PLPP1: variants seen among roughly 807,000 people sequenced by gnomAD.
PLPP1 encodes lipid phosphate phosphohydrolase 1a.
Under a neutral mutation model 31.2 loss-of-function variants are expected in PLPP1, and 24 were observed. The ratio of observed to expected loss-of-function variants is 0.77; its 90% confidence interval spans 0.56 to 1.08. The LOEUF is 1.08. Among genes scored for constraint, PLPP1 ranks in the 50% least tolerant of loss-of-function variants. The probability of loss-of-function intolerance (pLI) is 0.00; values close to 1 mark genes in which losing one functional copy is unlikely to be tolerated. For synonymous variants in PLPP1, 146 were observed against 126.3 expected, an observed-to-expected ratio of 1.16 and a Z score of -1.05; for missense variants, 319 against 342.7, an observed-to-expected ratio of 0.93 and a Z score of 0.55.
intron 3 of PLPP1, among the ~76,000 whole-genome samples, chr5:55,453,217 GAC>G (rs917287236): frequency 1.3e-5 from 2 of 152,128 alleles, no homozygotes; most frequent in East Asian, 1.9e-4. Flanking sequence ...CTTATGTTTT[GAC>G]AGTTATAAAA....
At chr5:55,481,993 T>C (rs1252627789) in intron 1 of PLPP1, among the ~76,000 whole-genome samples, 6 of 148,644 alleles carry the variant, frequency 4.0e-5, no homozygotes, top group Non-Finnish European at 8.9e-5. Context: ...AATACATATA[T>C]ATATTTTTAT....
intron 1 of PLPP1, among the ~76,000 whole-genome samples, chr5:55,482,916 T>C (rs1034742981): frequency 6.6e-6 from 1 of 152,104 alleles, no homozygotes; most frequent in African/African-American, 2.4e-5. Flanking sequence ...GCAGCTTCTC[T>C]AAAAAAATAT....
intron 3 of PLPP1, among the ~76,000 whole-genome samples, chr5:55,442,344 T>TC (rs939455543): frequency 5.3e-5 from 8 of 152,210 alleles, no homozygotes; most frequent in Admixed American, 4.6e-4. Context: ...ATTGCTTTTT[T>TC]CCATCCATAT....
Position 55,426,024 on chromosome 5 carries a change from T to G in PLPP1, c.565A>C (p.Arg189=). The G allele has an allele frequency of 6.3e-7, 1 of 1,591,206 alleles. No individual in the cohort carries two copies. The highest frequency in any genetic ancestry group is 1.2e-5 in the South Asian group (1 of 85,960). ...MLFVALYLQA[R]MKGDWARLLR... ...AGTCTTGCCCAGTCTCCCTTCATCC[T>G]GGCTTGAAGATAAAGCTAAAAGAAA... The change falls in exon 5 of 6, where the codon AGG becomes CGG. Residue 189 remains arginine, a synonymous_variant. Transcript: ENST00000307259.
At chr5:55,425,825 G>C (rs774738368) in intron 5 of PLPP1, 38 bp downstream of exon 5, 39 of 1,462,968 alleles carry the variant, frequency 2.7e-5, no homozygotes, top group South Asian at 1.5e-4. Context: ...TAAATGTTTA[G>C]CAATATCAAG....
intron 4 of PLPP1, among the ~76,000 whole-genome samples, chr5:55,431,172 C>A (rs1388077664): frequency 1.3e-5 from 2 of 152,160 alleles, no homozygotes; most frequent in African/African-American, 4.8e-5. Context: ...CTTCCCAAGT[C>A]TAGCAAGAGA....
rs934169203 is a variant in PLPP1 at position 55,530,203 on chromosome 5, T to C, written c.58+4369A>G. ...TCTTCAACAGCAGTTTGACATTGAG[T>C]TTCTTCATCTAGCTGAAGATTCACA... On this transcript the variant is annotated intron_variant, in intron 1 of 5. Transcript: ENST00000307259. 3.0e-6 allele frequency: 4 copies of C among 1,349,778 alleles called. No homozygotes were observed. The African/African-American group carries it at 4.3e-5, about 15-fold the overall frequency. The allele number at this position is 1,349,778 out of a possible 1,614,324, so 83.6% of individuals were successfully genotyped here. A position where few individuals can be genotyped will look rare whatever the true frequency, so the allele number is the denominator to read the frequency against.
At chr5:55,442,664 A>T (rs1057008568) in intron 3 of PLPP1, among the ~76,000 whole-genome samples, 1 of 150,664 alleles carries the variant, frequency 6.6e-6, no homozygotes, top group Non-Finnish European at 1.5e-5. Flanking sequence ...AAAAAAAAAA[A>T]TTTGGTGTTT....
chr5:55,457,643 C>G (rs1752046590), intron 3 of PLPP1, among the ~76,000 whole-genome samples: 2 of 152,172 alleles, frequency 1.3e-5, no homozygotes, highest in Admixed American at 1.3e-4. Context: ...GTAATCCCAG[C>G]ACTCTGGGAG....
intron 3 of PLPP1, among the ~76,000 whole-genome samples, chr5:55,458,621 C>T (rs1752073511): frequency 6.6e-6 from 1 of 152,070 alleles, no homozygotes; most frequent in African/African-American, 2.4e-5. Flanking sequence ...GGCGTGGTGG[C>T]TCACGCCTGT....
chr5:55,469,313 C>A (rs1313374960), intron 2 of PLPP1, among the ~76,000 whole-genome samples: 1 of 151,822 alleles, frequency 6.6e-6, no homozygotes, highest in South Asian at 2.1e-4. Context: ...TATGGTGAAA[C>A]CCCATCTCTA....
intron 3 of PLPP1, among the ~76,000 whole-genome samples, chr5:55,444,775 G>GA (rs1751717358): frequency 6.6e-6 from 1 of 151,646 alleles, no homozygotes; most frequent in Admixed American, 6.6e-5. Flanking sequence ...GTGTGTGATG[G>GA]AGTCTCGCTC....
At chr5:55,441,706 T>TC in intron 4 of PLPP1, 145 bp downstream of exon 4, 1 of 893,544 alleles carries the variant, frequency 1.1e-6, no homozygotes, top group Non-Finnish European at 1.8e-6. Flanking sequence ...CAACTACTTC[T>TC]CAGTATGAAA....
chr5:55,502,672 G>A (rs1753173425), intron 1 of PLPP1, among the ~76,000 whole-genome samples: 2 of 152,208 alleles, frequency 1.3e-5, no homozygotes, highest in Admixed American at 6.5e-5. Context: ...GCTGGATAAT[G>A]CAGATCTAGG....
chr5:55,439,575 C>T (rs971507272), intron 4 of PLPP1, among the ~76,000 whole-genome samples: 5 of 152,206 alleles, frequency 3.3e-5, no homozygotes, highest in African/African-American at 1.2e-4. Flanking sequence ...CCAATTACCA[C>T]ACTATGGTTG....
chr5:55,511,494 TA>T (rs1435514040), intron 1 of PLPP1, among the ~76,000 whole-genome samples: 2 of 151,938 alleles, frequency 1.3e-5, no homozygotes, highest in African/African-American at 4.8e-5. Flanking sequence ...AGCATGGGTT[TA>T]AAAAAATGTG....
intron 3 of PLPP1, among the ~76,000 whole-genome samples, chr5:55,453,219 C>T (rs1751931396): frequency 6.6e-6 from 1 of 152,118 alleles, no homozygotes; most frequent in African/African-American, 2.4e-5. Context: ...TATGTTTTGA[C>T]AGTTATAAAA....
intron 3 of PLPP1, among the ~76,000 whole-genome samples, chr5:55,445,423 C>T (rs1751738795): frequency 6.6e-6 from 1 of 152,078 alleles, no homozygotes; most frequent in African/African-American, 2.4e-5. Context: ...CTGATCTCTT[C>T]CCACCACCTG....
intron 3 of PLPP1, among the ~76,000 whole-genome samples, chr5:55,451,507 T>C (rs1423017508): frequency 1.3e-5 from 2 of 151,958 alleles, no homozygotes; most frequent in Non-Finnish European, 2.9e-5. Context: ...CTACAGCTCA[T>C]GTTACCAGGA....
Sources: gnomAD v4.1 joint callset for allele counts (sites outside exome capture counted in the v4.1 genomes callset) on GRCh38, gnomAD v4.1.1 for gene constraint, MANE v1.5 for transcripts, NCBI Gene and HGNC (gene_info 2026-07-23, HGNC 2026-07-21) for gene names.